The following C10orf67 variants were observed in gnomAD, a reference collection of about 807,000 sequenced individuals.
C10orf67 encodes the protein chromosome 10 open reading frame 67.
Under a neutral mutation model 35.6 loss-of-function variants are expected in C10orf67, and 60 were observed. The ratio of observed to expected loss-of-function variants is 1.68; its 90% CI spans 1.37 to 2.09. The LOEUF (loss-of-function observed/expected upper bound fraction) is 2.09, where lower values mean the gene tolerates loss of function less well. Ranked by LOEUF, C10orf67 falls within the 30% of genes most tolerant of loss-of-function variation. The pLI is 0.00. For synonymous variants in C10orf67, 167 were observed against 115.8 expected (o/e 1.44, Z -2.84); for missense variants, 474 against 330.2 (o/e 1.44, Z -3.38).
At chr10:23,309,864 G>T (rs1180837916) in intron 4 of C10orf67, among the ~76,000 whole-genome samples, 1 of 152,172 alleles carries the variant, frequency 6.6e-6, no homozygotes, top group East Asian at 1.9e-4. Context: ...TATTAGTGCA[G>T]ACTCAAAGAT....
chr10:23,245,620 C>G (rs953874521), intron 12 of C10orf67, among the ~76,000 whole-genome samples: 2 of 152,134 alleles, frequency 1.3e-5, no homozygotes, highest in African/African-American at 4.8e-5. Context: ...TATCACTTAT[C>G]ATCAGGAAAA....
intron 8 of C10orf67, among the ~76,000 whole-genome samples, chr10:23,278,068 G>C (rs539749739): frequency 6.6e-6 from 1 of 152,144 alleles, no homozygotes; most frequent in Non-Finnish European, 1.5e-5. Flanking sequence ...GGGAGATGAC[G>C]CTAAACCATT....
At chr10:23,318,263 C>T (rs4603206) in intron 4 of C10orf67, 58,839 of 151,938 alleles carry the variant, frequency 0.39, 14,296 homozygotes, top group East Asian at 0.74. Context: ...ACATGGCTGG[C>T]AGCTGGAGTC....
chr10:23,310,160 C>T (rs1844442737), intron 4 of C10orf67, among the ~76,000 whole-genome samples: 1 of 152,168 alleles, frequency 6.6e-6, no homozygotes, highest in Non-Finnish European at 1.5e-5. Context: ...TTCAGGAAGA[C>T]ACCATGGCTT....
rs899603005 is a variant in C10orf67 at position 23,222,530 on chromosome 10, T to G, written c.1570+1068A>C. On this transcript the variant is annotated intron_variant, in intron 15 of 15. Coordinates refer to ENST00000636213, the MANE Select transcript of C10orf67 (RefSeq NM_001371909.1). ...AGGAGGGAGAGAGGAAGGTAAGGGT[T>G]GAAAAACTTCCTATCCCATACTACG... 2.0e-5 allele frequency among the ~76,000 whole-genome samples: 3 copies of G among 152,022 alleles called. No homozygotes were observed. The South Asian group carries it at 6.2e-4, about 32-fold the overall frequency.
intron 5 of C10orf67, among the ~76,000 whole-genome samples, chr10:23,302,891 C>G (rs1275819380): frequency 1.3e-5 from 2 of 152,140 alleles, no homozygotes; most frequent in African/African-American, 4.8e-5. Context: ...AAATGTCATT[C>G]TGTTCCAAGT....
At chr10:23,298,089 A>G (rs1292781078) in intron 5 of C10orf67, among the ~76,000 whole-genome samples, 1 of 152,102 alleles carries the variant, frequency 6.6e-6, no homozygotes, top group Non-Finnish European at 1.5e-5. Context: ...CCCCATCTCC[A>G]CTAAAAATAC....
At position 23,289,820 on chromosome 10, in the gene C10orf67, C is replaced by G. The variant is rs76519337; in HGVS notation, c.909+80G>C. The stretch of plus-strand genomic sequence containing the variant: ...ACTTTCCTCTATGTCATAAGACACT[C>G]TGGACACAGTGTTATTTGGCCAATT... On this transcript the variant is annotated intron_variant, in intron 7 of 15. Transcript: ENST00000636213. 1,802 of 692,076 alleles carry G rather than the reference C, an allele frequency of 2.6e-3. 49 individuals carry two copies. The East Asian group carries it at 0.045, about 17-fold the overall frequency. 42.9% of individuals were successfully genotyped at this position (692,076 alleles called of 1,614,324 possible). A position where few individuals can be genotyped will look rare whatever the true frequency, so the allele number is the denominator to read the frequency against.
intron 15 of C10orf67, among the ~76,000 whole-genome samples, chr10:23,222,909 A>G (rs1841624445): frequency 6.6e-6 from 1 of 152,098 alleles, no homozygotes; most frequent in African/African-American, 2.4e-5. Flanking sequence ...CAAGCATCCC[A>G]AAGTGCTGGA....
intron 1 of C10orf67, among the ~76,000 whole-genome samples, chr10:23,341,803 TC>T (rs1845897463): frequency 6.6e-6 from 1 of 151,566 alleles, no homozygotes; most frequent in East Asian, 1.9e-4. Flanking sequence ...TCCTTAGGGC[TC>T]CCCCCTCAAG....
intron 12 of C10orf67, among the ~76,000 whole-genome samples, chr10:23,241,467 G>A (rs997289373): frequency 1.3e-5 from 2 of 152,164 alleles, no homozygotes; most frequent in South Asian, 4.1e-4. Flanking sequence ...TTGCATGCAG[G>A]ATAGGCATGA....
intron 1 of C10orf67, among the ~76,000 whole-genome samples, chr10:23,340,310 G>C (rs2132417647): frequency 6.9e-6 from 1 of 145,364 alleles, no homozygotes; most frequent in South Asian, 2.2e-4. Context: ...TTTGAGACCA[G>C]CCTGGGCAAC....
chr10:23,254,439 A>G (rs1842545281), intron 10 of C10orf67, among the ~76,000 whole-genome samples: 1 of 152,170 alleles, frequency 6.6e-6, no homozygotes, highest in Non-Finnish European at 1.5e-5. Context: ...TGAACTCCTG[A>G]TCTCAGGTGA....
intron 1 of C10orf67, among the ~76,000 whole-genome samples, chr10:23,340,709 C>A (rs750469811): frequency 6.6e-6 from 1 of 152,170 alleles, no homozygotes; most frequent in Non-Finnish European, 1.5e-5. Context: ...ACCCTGCTAC[C>A]TAGAATGGAA....
chr10:23,250,728 A>T, intron 10 of C10orf67, 37 bp from the exon 11 acceptor site: 1 of 398,364 alleles, frequency 2.5e-6, no homozygotes, highest in East Asian at 3.6e-5. Flanking sequence ...TTAATTACAC[A>T]AACAATATAT....
In C10orf67 at chr10:23,203,327, A is replaced by G. The variant is rs1051764914; in HGVS notation, c.*846T>C. The stretch of plus-strand genomic sequence containing the variant: ...ATTAAATCTTGTTCCTTTTACGCAC[A>G]AATAAATCACCTCTGCAGCTTTCTT... On this transcript the variant is annotated 3_prime_UTR_variant, in exon 16 of 16. Coordinates refer to ENST00000636213, the MANE Select transcript of C10orf67 (RefSeq NM_001371909.1). 1.2e-4 allele frequency: 19 copies of G among 152,266 alleles called. No individual in the cohort carries two copies. The allele number at this position is 152,266 out of a possible 1,614,324, so 9.4% of individuals were successfully genotyped here. A position where few individuals can be genotyped will look rare whatever the true frequency, so the allele number is the denominator to read the frequency against.
chr10:23,325,691 A>AC (rs1250158380), intron 2 of C10orf67, among the ~76,000 whole-genome samples: 1 of 151,620 alleles, frequency 6.6e-6, no homozygotes, highest in African/African-American at 2.4e-5. Flanking sequence ...TAAAAAAAAA[A>AC]AACAGGAAAA....
At chr10:23,274,200 G>C (rs1482657152) in intron 8 of C10orf67, among the ~76,000 whole-genome samples, 1 of 152,142 alleles carries the variant, frequency 6.6e-6, no homozygotes, top group East Asian at 1.9e-4. Flanking sequence ...CACAAGGCAA[G>C]GGAGAAATTA....
intron 10 of C10orf67, among the ~76,000 whole-genome samples, chr10:23,257,109 T>C (rs934006575): frequency 3.9e-5 from 6 of 152,206 alleles, no homozygotes; most frequent in Admixed American, 3.9e-4. Flanking sequence ...ATGGTAATTG[T>C]CTTGGACCTT....
Sources: allele counts gnomAD v4.1 joint callset (sites outside exome capture counted in the v4.1 genomes callset), GRCh38; gene constraint gnomAD v4.1.1; transcripts MANE v1.5; gene names NCBI Gene and HGNC (gene_info 2026-07-23, HGNC 2026-07-21).